The following CACNB2 variants were observed in gnomAD, a reference collection of about 807,000 sequenced individuals.
The protein encoded by CACNB2 is voltage-dependent L-type calcium channel subunit beta-2.
CACNB2 carries 42 observed loss-of-function variants against 73.3 expected under a neutral mutation model. The observed-to-expected ratio is 0.57, with a 90% CI of 0.45 to 0.74. The LOEUF (loss-of-function observed/expected upper bound fraction) is 0.74, where lower values mean the gene tolerates loss of function less well. CACNB2 is among the 30% of genes least tolerant of loss of function. CACNB2 has a pLI of 0.00. For missense variants in CACNB2, 940 were observed against 853.0 expected (o/e 1.10, Z -1.27); for synonymous variants, 348 against 310.3 (o/e 1.12, Z -1.28).
chr10:18,174,429 G>A (rs1406879403), intron 2 of CACNB2, among the ~76,000 whole-genome samples: 2 of 116,714 alleles, frequency 1.7e-5, no homozygotes, highest in African/African-American at 3.3e-5. Context: ...TCTTTCTTGA[G>A]TTTTGCTCTT....
chr10:18,334,283 A>C (rs906695003), intron 2 of CACNB2, among the ~76,000 whole-genome samples: 2 of 152,104 alleles, frequency 1.3e-5, no homozygotes, highest in Non-Finnish European at 2.9e-5. Context: ...TCCATCTGCA[A>C]TCTGACACCC....
intron 3 of CACNB2, among the ~76,000 whole-genome samples, chr10:18,411,206 G>A (rs1331270541): frequency 6.6e-6 from 1 of 152,076 alleles, no homozygotes; most frequent in African/African-American, 2.4e-5. Flanking sequence ...CTAGCCGCAT[G>A]CGTTTGTTTA....
intron 2 of CACNB2, among the ~76,000 whole-genome samples, chr10:18,291,710 C>T (rs981092325): frequency 6.6e-6 from 1 of 152,202 alleles, no homozygotes; most frequent in Non-Finnish European, 1.5e-5. Flanking sequence ...CGCTTCAGTA[C>T]TGTATGTTGC....
chr10:18,310,809 CT>C (rs2039937586), intron 2 of CACNB2, among the ~76,000 whole-genome samples: 1 of 151,644 alleles, frequency 6.6e-6, no homozygotes, highest in African/African-American at 2.4e-5. Context: ...TCTCGAACTC[CT>C]GACCTCAAGT....
chr10:18,342,286 A>C (rs61839208), intron 2 of CACNB2, among the ~76,000 whole-genome samples: 25,075 of 152,238 alleles, frequency 0.16, 2,383 homozygotes, highest in Middle Eastern at 0.24. Context: ...AAAACTGGTC[A>C]CAATTATGTC....
chr10:18,479,948 A>G (rs1378892939), intron 3 of CACNB2, among the ~76,000 whole-genome samples: 2 of 152,304 alleles, frequency 1.3e-5, no homozygotes, highest in East Asian at 1.9e-4. Flanking sequence ...TTTTTAATTT[A>G]AAAATGTTAT....
At chr10:18,260,793 C>A in intron 2 of CACNB2, 1 of 1,015,714 alleles carries the variant, frequency 9.8e-7, no homozygotes, top group Non-Finnish European at 1.2e-6. Flanking sequence ...GAAGCAGTCA[C>A]ATAAACAGCA....
chr10:18,533,440 C>G (rs977764463), intron 10 of CACNB2: 1 of 152,670 alleles, frequency 6.6e-6, no homozygotes, highest in African/African-American at 2.4e-5. Context: ...ACTAGATATT[C>G]TAATGTTTTG....
chr10:18,224,979 C>G (rs1032086946), intron 2 of CACNB2, among the ~76,000 whole-genome samples: 1 of 152,132 alleles, frequency 6.6e-6, no homozygotes, highest in African/African-American at 2.4e-5. Context: ...CCAAGGTGTC[C>G]GCGTGTTTCG....
At chr10:18,156,843 A>G (rs1490256907) in intron 2 of CACNB2, among the ~76,000 whole-genome samples, 2 of 151,332 alleles carry the variant, frequency 1.3e-5, no homozygotes, top group Admixed American at 1.3e-4. Context: ...AGCCTGACCA[A>G]CATGGAGAAA....
In CACNB2 at chr10:18,464,421, A is replaced by T. The variant is rs992432901; in HGVS notation, c.334-33934A>T. Among the ~76,000 whole-genome samples, 237 of 124,466 alleles carry T rather than the reference A, an allele frequency of 1.9e-3. 7 individuals carry two copies. The highest frequency in any genetic ancestry group is 3.8e-3 in the Middle Eastern group (1 of 264). The allele number at this position is 124,466 out of a possible 152,430, so 81.7% of individuals were successfully genotyped here. On this transcript the variant is annotated intron_variant, in intron 3 of 13. Coordinates refer to ENST00000324631, the MANE Select transcript of CACNB2 (RefSeq NM_201596.3). ...AGTGAGACCCTGTCTCAAAAATTAA[A>T]AAAAAAAAAAAAAAAAAAAGAATTT...
chr10:18,519,827 C>T lies in CACNB2; in HGVS notation c.944+859C>T, dbSNP rs2051672071. 1.0e-4 allele frequency: 45 copies of T among 436,634 alleles called. 3 individuals carry two copies. Among genetic ancestry groups the T allele is most frequent in the South Asian group, 7.3e-4 (44 of 60,286 alleles). The allele number at this position is 436,634 out of a possible 1,614,324, so 27.0% of individuals were successfully genotyped here. A position where few individuals can be genotyped will look rare whatever the true frequency, so the allele number is the denominator to read the frequency against. ...AGCTAAACTAGTCATGTCAAGATCA[C>T]CCATGACCTTCACATTGCTAAATCC... is the stretch of plus-strand genomic sequence containing the variant. On this transcript the variant is annotated intron_variant, in intron 9 of 13. Transcript: ENST00000324631.
In CACNB2 at chr10:18,265,735, A is replaced by C. The variant is rs1360886267; in HGVS notation, c.213+114760A>C. Among the ~76,000 whole-genome samples the C allele has an allele frequency of 1.8e-4, 18 of 97,666 alleles. No individual in the cohort carries two copies. The South Asian group carries it at 6.2e-3, about 34-fold the overall frequency. 64.1% of individuals were successfully genotyped at this position (97,666 alleles called of 152,430 possible). On this transcript the variant is annotated intron_variant, in intron 2 of 13. Coordinates refer to ENST00000324631, the MANE Select transcript of CACNB2 (RefSeq NM_201596.3). The stretch of plus-strand genomic sequence containing the variant: ...TAATCAGGATAATAGTAAAATTTCA[A>C]AAGTTTATTGTGAGAGTTAAGATGA...
chr10:18,495,577 G>GTT, intron 3 of CACNB2, among the ~76,000 whole-genome samples: 1 of 143,682 alleles, frequency 7.0e-6, no homozygotes, highest in African/African-American at 2.9e-5. Context: ...GTGTGTGTGT[G>GTT]TGTGTGTGTG....
chr10:18,212,067 C>T (rs1008110527), intron 2 of CACNB2, among the ~76,000 whole-genome samples: 1 of 152,156 alleles, frequency 6.6e-6, no homozygotes, highest in Non-Finnish European at 1.5e-5. Context: ...GTTTGTACAG[C>T]TGAATAGATT....
chr10:18,442,402 G>A (rs1012227761), intron 3 of CACNB2, among the ~76,000 whole-genome samples: 11 of 151,882 alleles, frequency 7.2e-5, no homozygotes, highest in East Asian at 1.9e-4. Context: ...CACCCACCTC[G>A]GCCTCCCAAA....
intron 2 of CACNB2, among the ~76,000 whole-genome samples, chr10:18,299,831 G>C (rs959946625): frequency 7.9e-5 from 12 of 152,164 alleles, no homozygotes; most frequent in African/African-American, 2.9e-4. Context: ...TTGATGATAA[G>C]AGATGTCACG....
At chr10:18,452,629 C>G (rs1184116607) in intron 3 of CACNB2, among the ~76,000 whole-genome samples, 1 of 152,188 alleles carries the variant, frequency 6.6e-6, no homozygotes, top group Non-Finnish European at 1.5e-5. Context: ...CCTGTCACCT[C>G]AAACTCCTGT....
intron 2 of CACNB2, among the ~76,000 whole-genome samples, chr10:18,356,030 G>A (rs1275414707): frequency 1.3e-5 from 2 of 152,284 alleles, no homozygotes; most frequent in East Asian, 3.9e-4. Context: ...GTTTCTGTAA[G>A]GATTGCTCCA....
Sources: gnomAD v4.1 joint callset for allele counts (sites outside exome capture counted in the v4.1 genomes callset) on GRCh38, gnomAD v4.1.1 for gene constraint, MANE v1.5 for transcripts, NCBI Gene and HGNC (gene_info 2026-07-23, HGNC 2026-07-21) for gene names.